KLF7: variants seen among roughly 807,000 people sequenced by gnomAD.
KLF7 encodes Krueppel-like factor 7.
A neutral mutation model predicts 27.3 loss-of-function variants in KLF7; 2 were observed. The ratio of observed to expected loss-of-function variants is 0.07; its 90% confidence interval spans 0.03 to 0.23. KLF7 has a LOEUF of 0.23. KLF7 is among the 10% of genes least tolerant of loss of function. The pLI, the probability that KLF7 is intolerant of heterozygous loss-of-function variation, is 1.00. For synonymous variants in KLF7, 165 were observed against 162.4 expected (o/e 1.02, Z -0.12); for missense variants, 221 against 394.1 (o/e 0.56, Z 3.72).
At chr2:207,168,860 A>G (rs985028273), upstream of KLF7, among the ~76,000 whole-genome samples, 4 of 152,258 alleles carry the variant, frequency 2.6e-5, no homozygotes, top group African/African-American at 9.6e-5. Context: ...AGGTATCCAG[A>G]TGTACAAAGT....
At chr2:207,140,616 C>T (rs1215128737) in intron 1 of KLF7, among the ~76,000 whole-genome samples, 1 of 152,184 alleles carries the variant, frequency 6.6e-6, no homozygotes. Context: ...ATCAGTAACA[C>T]ACCTCTAACC....
Position 207,102,126 on chromosome 2 carries a change from TCACACACA to T in KLF7, c.734-13553_734-13546del, listed in dbSNP as rs59384224. ...CCACCCGTGAAAGCTACATTCACAT[TCACACACA>T]CACACACACACACACACACACACAC... On this transcript the variant is annotated intron_variant, in intron 2 of 3. Transcript: ENST00000309446. Among the ~76,000 whole-genome samples the T allele has an allele frequency of 3.6e-3, 503 of 141,272 alleles. 1 individual carries two copies. The highest frequency in any genetic ancestry group is 0.011 in the African/African-American group (427 of 39,244). 92.7% of individuals were successfully genotyped at this position (141,272 alleles called of 152,430 possible).
intron 2 of KLF7, among the ~76,000 whole-genome samples, chr2:207,100,189 G>C (rs2076733564): frequency 1.3e-5 from 2 of 152,174 alleles, no homozygotes; most frequent in African/African-American, 2.4e-5. Context: ...ATGGAGAGAA[G>C]GGCCCTCCCT....
intron 2 of KLF7, among the ~76,000 whole-genome samples, chr2:207,111,199 A>G (rs2077027713): frequency 6.6e-6 from 1 of 152,198 alleles, no homozygotes; most frequent in East Asian, 1.9e-4. Flanking sequence ...GTCACACATA[A>G]TGGCCTCTTC....
chr2:207,160,040 G>C (rs1336630567), intron 1 of KLF7, among the ~76,000 whole-genome samples: 5 of 152,138 alleles, frequency 3.3e-5, no homozygotes, highest in African/African-American at 4.8e-5. Flanking sequence ...ATTTTAGATA[G>C]AATAAGGATA....
intron 1 of KLF7, among the ~76,000 whole-genome samples, chr2:207,142,085 C>T (rs1045784075): frequency 6.6e-6 from 1 of 152,040 alleles, no homozygotes; most frequent in Non-Finnish European, 1.5e-5. Context: ...AGAGCTCTGA[C>T]AAATCCAATG....
chr2:207,161,016 A>G (rs1189763924), intron 1 of KLF7, among the ~76,000 whole-genome samples: 3 of 152,206 alleles, frequency 2.0e-5, no homozygotes, highest in Non-Finnish European at 4.4e-5. Context: ...CCTACTAAGG[A>G]CAGATGTAGT....
At chr2:207,094,084 G>T (rs1436012705) in intron 2 of KLF7, among the ~76,000 whole-genome samples, 1 of 152,200 alleles carries the variant, frequency 6.6e-6, no homozygotes, top group Non-Finnish European at 1.5e-5. Context: ...GTTTATCTCT[G>T]AAGATGTATT....
At chr2:207,130,866 G>T (rs2077613632) in intron 1 of KLF7, among the ~76,000 whole-genome samples, 1 of 152,128 alleles carries the variant, frequency 6.6e-6, no homozygotes, top group Non-Finnish European at 1.5e-5. Context: ...CAAATTTAAA[G>T]AAATAAAGAA....
At chr2:207,166,275 C>T (rs1446302534), upstream of KLF7, 4 of 775,142 alleles carry the variant, frequency 5.2e-6, no homozygotes, top group African/African-American at 5.7e-5. Flanking sequence ...TTGGCCCTGG[C>T]GGCGGGCGCG....
intron 1 of KLF7, among the ~76,000 whole-genome samples, chr2:207,145,019 A>G (rs144324237): frequency 1.3e-5 from 2 of 152,296 alleles, no homozygotes; most frequent in African/African-American, 2.4e-5. Flanking sequence ...TATTATTCAC[A>G]TTTGTCAACA....
chr2:207,122,961 C>T (rs1445770079), intron 2 of KLF7, among the ~76,000 whole-genome samples: 1 of 151,800 alleles, frequency 6.6e-6, no homozygotes, highest in African/African-American at 2.4e-5. Flanking sequence ...AAGCAGAGAA[C>T]AAAGACCAGT....
intron 1 of KLF7, among the ~76,000 whole-genome samples, chr2:207,125,224 G>A (rs1182112715): frequency 6.6e-6 from 1 of 152,184 alleles, no homozygotes; most frequent in South Asian, 2.1e-4. Flanking sequence ...AAAGAAACAG[G>A]GGAGAAGAAC....
chr2:207,117,420 C>T (rs1406302615), intron 2 of KLF7, among the ~76,000 whole-genome samples: 1 of 152,168 alleles, frequency 6.6e-6, no homozygotes, highest in Non-Finnish European at 1.5e-5. Flanking sequence ...AATTATCAAA[C>T]CCTCCTATTC....
At chr2:207,113,732 G>A (rs936120075) in intron 2 of KLF7, among the ~76,000 whole-genome samples, 2 of 152,014 alleles carry the variant, frequency 1.3e-5, no homozygotes, top group African/African-American at 4.8e-5. Flanking sequence ...ATTTAATGCT[G>A]ATGTGGTTTC....
At chr2:207,164,611 C>T (rs1425363099) in intron 1 of KLF7, among the ~76,000 whole-genome samples, 1 of 152,186 alleles carries the variant, frequency 6.6e-6, no homozygotes, top group African/African-American at 2.4e-5. Context: ...ACCAGCCCCA[C>T]TTCATCCTCC....
At chr2:207,163,889 C>A (rs2078620863) in intron 1 of KLF7, among the ~76,000 whole-genome samples, 1 of 152,080 alleles carries the variant, frequency 6.6e-6, no homozygotes, top group African/African-American at 2.4e-5. Flanking sequence ...CCAGTGAGAC[C>A]CTTCATGAGA....
upstream of KLF7, among the ~76,000 whole-genome samples, chr2:207,170,688 T>A (rs1467072809): frequency 6.6e-6 from 1 of 152,192 alleles, no homozygotes; most frequent in African/African-American, 2.4e-5. Context: ...CTACTCTACC[T>A]GTGTTCTATA....
In KLF7 at chr2:207,088,462, C is replaced by T. The variant is rs2076440372; in HGVS notation, c.853G>A (p.Asp285Asn). 2 of 1,613,612 alleles carry T rather than the reference C, an allele frequency of 1.2e-6. No individual in the cohort carries two copies. Among genetic ancestry groups the T allele is most frequent in the Non-Finnish European group, 1.7e-6 (2 of 1,179,610 alleles). Residue 285 changes from aspartate to asparagine, a missense_variant, in exon 3 of 4, where the codon GAC becomes AAC. Around this residue, in one of 3 missense-constraint regions of KLF7, gnomAD observed 30 missense variants for 115.4 expected, o/e 0.26. Transcript: ENST00000309446. ...TCAACTTCTACTTCTCTTTACCTGT[C>T]GCAGTGGTTGCATTTGAAGGGCTTT... ...GAKPFKCNHC[D>N]RCFSRSDHLA... is the part of the protein sequence containing the mutation.
Sources: gnomAD v4.1 joint callset for allele counts (sites outside exome capture counted in the v4.1 genomes callset) on GRCh38, gnomAD v4.1.1 for gene constraint, gnomAD v4.1.1 regional missense constraint, MANE v1.5 for transcripts, NCBI Gene and HGNC (gene_info 2026-07-23, HGNC 2026-07-21) for gene names.